Variants in PSMD1 observed in about 807,000 individuals in gnomAD.
The protein encoded by PSMD1 is proteasome 26S subunit, non-ATPase 1.
Under a neutral mutation model 119.0 loss-of-function variants are expected in PSMD1, and 18 were observed. The ratio of observed to expected loss-of-function variants is 0.15; its 90% CI spans 0.10 to 0.22. The LOEUF is 0.22. Ranked by LOEUF, PSMD1 falls within the 10% of genes least tolerant of loss-of-function variation. The pLI is 1.00. For missense variants in PSMD1, 702 were observed against 1,158.5 expected (o/e 0.61, Z 5.72); for synonymous variants, 374 against 396.6 (o/e 0.94, Z 0.68).
Position 231,080,243 on chromosome 2 carries a change from C to G in PSMD1, c.1342C>G (p.Leu448Val). 6.2e-7 allele frequency: 1 copy of G among 1,613,026 alleles called. No homozygotes were observed. Among genetic ancestry groups the G allele is most frequent in the South Asian group, 1.1e-5 (1 of 91,040 alleles). ...AGGTGGAGGTCTCTATGCACTAGGT[C>G]TTATTCATGCCAATCATGGTGGTGA... ...QEGGGLYALG[L>V]IHANHGGDII... is the part of the protein sequence containing the mutation. Residue 448 changes from leucine to valine, a missense_variant, in exon 12 of 25, where the codon CTT becomes GTT. Leu to Val is a conservative substitution (Grantham distance 32). This residue lies in a region of PSMD1 where 272 missense variants were observed against 511.6 expected (regional missense o/e 0.53). Coordinates refer to ENST00000308696, the MANE Select transcript of PSMD1 (RefSeq NM_002807.4).
At chr2:231,141,002 C>T (rs1407839847) in intron 17 of PSMD1, among the ~76,000 whole-genome samples, 1 of 152,008 alleles carries the variant, frequency 6.6e-6, no homozygotes, top group Non-Finnish European at 1.5e-5. Flanking sequence ...AACCCCTTCT[C>T]TACTAAAAAT....
chr2:231,163,153 T>A (rs1384686050), intron 20 of PSMD1: 1 of 152,280 alleles, frequency 6.6e-6, no homozygotes, highest in East Asian at 1.9e-4. Context: ...ACTTTAAAAC[T>A]GGTCACTAGG....
rs774681431 is a variant in PSMD1 at position 231,077,135 on chromosome 2, A to C, written c.1044A>C (p.Thr348=). The change falls in exon 9 of 25, where the codon ACA becomes ACC. Residue 348 remains threonine, a synonymous_variant. Transcript: ENST00000308696. ...AGTTCTTAATACGAAACAATAATAC[A>C]GACCTCATGATTCTAAAAAACACAA... ...HLQFLIRNNN[T]DLMILKNTKD... is the part of the protein sequence containing the mutation. The C allele has an allele frequency of 2.6e-5, 40 of 1,556,244 alleles. No homozygotes were observed. Among genetic ancestry groups the C allele is most frequent in the Non-Finnish European group, 3.1e-5 (35 of 1,147,306 alleles).
intron 16 of PSMD1, among the ~76,000 whole-genome samples, chr2:231,091,960 T>G (rs1372334209): frequency 1.3e-5 from 2 of 152,184 alleles, no homozygotes; most frequent in Non-Finnish European, 2.9e-5. Flanking sequence ...CTCAGGGGCT[T>G]GCAGGCGTGC....
rs1408346479 is a variant in PSMD1, at chr2:231,170,022, TACAC to T, written c.2716-543_2716-540del. Reference sequence around the variant, plus strand: ...GGAGAAAAAATTGGCTTTTAATTTATACACTCTCGTGTTCAAAATGATTATCATC... The same window carrying T: ...GGAGAAAAAATTGGCTTTTAATTTATTCTCGTGTTCAAAATGATTATCATC... On this transcript the variant is annotated intron_variant, in intron 23 of 24. Transcript: ENST00000308696. This position sits in a 1 kb window ranked among gnomAD's most constrained non-coding sequence, Gnocchi z 4.1. Among the ~76,000 whole-genome samples the T allele has an allele frequency of 6.6e-6, 1 of 152,234 alleles. No individual in the cohort carries two copies. Among genetic ancestry groups the T allele is most frequent in the South Asian group, 2.1e-4 (1 of 4,830 alleles).
In PSMD1 at chr2:231,077,040, G is replaced by A. The variant is rs1694185074; in HGVS notation, c.949G>A (p.Glu317Lys). The A allele has an allele frequency of 6.3e-7, 1 of 1,596,100 alleles. No homozygotes were observed. The highest frequency in any genetic ancestry group is 1.2e-5 in the South Asian group (1 of 86,794). ...TTTTTGTTTGTTTTGGCAGAGTCCA[G>A]AGCCTAAGGACCAGACTTTGAAAAT... ...FVGKTPEASP[E>K]PKDQTLKMIK... The change falls in exon 9 of 25, where the codon GAG (glutamate) becomes AAG (lysine). Residue 317 changes from glutamate to lysine, a missense_variant. Around this residue, in one of 9 missense-constraint regions of PSMD1, gnomAD observed 69 missense variants for 71.6 expected, o/e 0.96. Transcript: ENST00000308696.
At chr2:231,086,280 G>A (rs1465977512) in intron 15 of PSMD1, among the ~76,000 whole-genome samples, 1 of 152,190 alleles carries the variant, frequency 6.6e-6, no homozygotes, top group South Asian at 2.1e-4. Context: ...CTGGGCTCAA[G>A]CAATCCTCCT....
At chr2:231,098,952 A>G (rs960265035) in intron 16 of PSMD1, among the ~76,000 whole-genome samples, 2 of 152,196 alleles carry the variant, frequency 1.3e-5, no homozygotes, top group Non-Finnish European at 2.9e-5. Flanking sequence ...AATTCTGAAT[A>G]TCTTTTTTAC....
chr2:231,114,945 A>G (rs1158481534), intron 16 of PSMD1, among the ~76,000 whole-genome samples: 4 of 152,162 alleles, frequency 2.6e-5, no homozygotes, highest in Admixed American at 6.5e-5. Flanking sequence ...AACAGATGTC[A>G]TGCATGTGAG....
intron 7 of PSMD1, among the ~76,000 whole-genome samples, chr2:231,073,833 A>G (rs952507663): frequency 6.6e-6 from 1 of 151,976 alleles, no homozygotes; most frequent in Non-Finnish European, 1.5e-5. Flanking sequence ...ATTTTTATAT[A>G]CTAACATTGA....
chr2:231,077,242 G>C (rs1694190256), intron 9 of PSMD1, 80 bp downstream of exon 9: 2 of 1,025,992 alleles, frequency 1.9e-6, no homozygotes, highest in African/African-American at 3.4e-5. Context: ...TTTATTTCTT[G>C]TTGGATACTT....
chr2:231,064,797 C>G (rs1206592156), intron 4 of PSMD1, among the ~76,000 whole-genome samples: 1 of 152,088 alleles, frequency 6.6e-6, no homozygotes, highest in African/African-American at 2.4e-5. Context: ...TCCCAAGTAG[C>G]TGGGATGACA....
chr2:231,069,265 C>G (rs1376252239), intron 5 of PSMD1, among the ~76,000 whole-genome samples: 1 of 150,818 alleles, frequency 6.6e-6, no homozygotes, highest in East Asian at 1.9e-4. Flanking sequence ...GTAATTTAAG[C>G]TTTATGAAAC....
chr2:231,128,021 C>G (rs1009400681), intron 16 of PSMD1, among the ~76,000 whole-genome samples: 5 of 152,152 alleles, frequency 3.3e-5, no homozygotes, highest in African/African-American at 1.2e-4. Context: ...ATTTATTGAG[C>G]AGATTCTGTC....
chr2:231,079,498 T>G, intron 10 of PSMD1, 38 bp from the exon 11 acceptor site: 5 of 1,432,654 alleles, frequency 3.5e-6, no homozygotes, highest in Non-Finnish European at 4.9e-6. Context: ...AATTCATTTG[T>G]TTTAACACTA....
At chr2:231,118,988 CAT>C (rs1695440683) in intron 16 of PSMD1, among the ~76,000 whole-genome samples, 2 of 151,786 alleles carry the variant, frequency 1.3e-5, no homozygotes, top group Admixed American at 1.3e-4. Context: ...AAAAGAAAGA[CAT>C]AGTTCAGTTC....
chr2:231,078,590 G>A (rs1694223754), intron 9 of PSMD1, 69 bp from the exon 10 acceptor site: 2 of 1,089,114 alleles, frequency 1.8e-6, no homozygotes, highest in Non-Finnish European at 2.6e-6. Context: ...ACCTCTGACT[G>A]TGTGTGTGAG....
intron 20 of PSMD1, 162 bp from the exon 21 acceptor site, chr2:231,163,456 GTAATTCTGTAAAGAACC>G (rs894697348): frequency 3.4e-5 from 18 of 528,222 alleles, no homozygotes; most frequent in African/African-American, 3.2e-4. Flanking sequence ...AGAACTGCAG[GTAATTCTGTAAAGAACC>G]TAAAAACTAA....
chr2:231,111,380 A>G (rs1375918256), intron 16 of PSMD1, among the ~76,000 whole-genome samples: 5 of 152,152 alleles, frequency 3.3e-5, no homozygotes, highest in Admixed American at 1.3e-4. Flanking sequence ...AACTCATTCT[A>G]TTAATGAGAC....
Sources: allele counts gnomAD v4.1 joint callset (sites outside exome capture counted in the v4.1 genomes callset), GRCh38; gene constraint gnomAD v4.1.1; regional missense constraint gnomAD v4.1.1; non-coding constraint Gnocchi (gnomAD v3.1); transcripts MANE v1.5; gene names NCBI Gene and HGNC (gene_info 2026-07-23, HGNC 2026-07-21).